IFNA8: variants seen among roughly 807,000 people sequenced by gnomAD.
The protein encoded by IFNA8 is interferon alpha 8.
For synonymous variants in IFNA8, 91 were observed against 84.4 expected, an observed-to-expected ratio of 1.08 and a Z score of -0.43; for missense variants, 246 against 212.3, an observed-to-expected ratio of 1.16 and a Z score of -0.99.
Position 21,409,567 on chromosome 9 carries a change from G to C in IFNA8, c.391G>C (p.Glu131Gln). ...TGTGATGCAGGAAGTGGGGGTGATA[G>C]AGTCTCCCCTGATGTACGAGGACTC... ...SCVMQEVGVI[E>Q]SPLMYEDSIL... The change falls in exon 1 of 1, where the codon GAG (glutamate) becomes CAG (glutamine). Residue 131 changes from glutamate (E) to glutamine (Q), a missense_variant. Coordinates refer to ENST00000380205, the MANE Select transcript of IFNA8 (RefSeq NM_002170.4). 1 of 1,613,972 alleles carries C rather than the reference G, an allele frequency of 6.2e-7. No individual in the cohort carries two copies. Among genetic ancestry groups the C allele is most frequent in the Non-Finnish European group, 8.5e-7 (1 of 1,179,864 alleles).
chr9:21,409,498 T>C lies in IFNA8; in HGVS notation c.322T>C (p.Phe108Leu). Residue 108 changes from phenylalanine to leucine, a missense_variant, in exon 1 of 1, where the codon TTC becomes CTC. Physicochemically the swap from Phe to Leu is conservative, Grantham distance 22. Transcript: ENST00000380205. ...TTTGGATGAGACCCTTCTAGATGAATTCTACATCGAACTTGACCAGCAGCT... is the reference window on the plus strand; with the variant it reads ...TTTGGATGAGACCCTTCTAGATGAACTCTACATCGAACTTGACCAGCAGCT... ...AALDETLLDE[F>L]YIELDQQLND... is the part of the protein sequence containing the mutation. The C allele has an allele frequency of 6.2e-7, 1 of 1,614,054 alleles. No homozygotes were observed. The highest frequency in any genetic ancestry group is 8.5e-7 in the Non-Finnish European group (1 of 1,179,962).
chr9:21,409,970 A>C lies in IFNA8; in HGVS notation c.*224A>C. 1 of 405,508 alleles carries C rather than the reference A, an allele frequency of 2.5e-6. No homozygotes were observed. The highest frequency in any genetic ancestry group is 4.7e-6 in the Non-Finnish European group (1 of 214,930). The allele number at this position is 405,508 out of a possible 1,614,324, so 25.1% of individuals were successfully genotyped here. ...ATGGATCTATTCATCTATTTATTTA[A>C]ATCTTTATTTAGTTAACTATCTATA... On this transcript the variant is annotated 3_prime_UTR_variant, in exon 1 of 1. Transcript: ENST00000380205.
In IFNA8 at chr9:21,409,949, A is replaced by G. The variant is rs565695456; in HGVS notation, c.*203A>G. 22 of 465,298 alleles carry G rather than the reference A, an allele frequency of 4.7e-5. No individual in the cohort carries two copies. The East Asian group carries it at 8.4e-4, about 18-fold the overall frequency. The allele number at this position is 465,298 out of a possible 1,614,324, so 28.8% of individuals were successfully genotyped here. On this transcript the variant is annotated 3_prime_UTR_variant, in exon 1 of 1. Coordinates refer to ENST00000380205, the MANE Select transcript of IFNA8 (RefSeq NM_002170.4). The stretch of plus-strand genomic sequence containing the variant: ...CCCTTACAGATGACCATGCTGATGG[A>G]TCTATTCATCTATTTATTTAAATCT...
Position 21,409,218 on chromosome 9 carries a change from C to A in IFNA8, c.42C>A (p.Leu14=). 2 of 1,613,992 alleles carry A rather than the reference C, an allele frequency of 1.2e-6. No individual in the cohort carries two copies. Among genetic ancestry groups the A allele is most frequent in the Non-Finnish European group, 1.7e-6 (2 of 1,179,924 alleles). The part of the protein sequence containing the change: ...TFYLLVALVV[L]SYKSFSSLGC... ...ATTTACTGGTGGCCCTAGTGGTGCT[C>A]AGCTACAAGTCATTCAGCTCTCTGG... The change falls in exon 1 of 1, where the codon CTC becomes CTA. Residue 14 remains leucine, a synonymous_variant. Transcript: ENST00000380205.
chr9:21,409,588 G>A lies in IFNA8; in HGVS notation c.412G>A (p.Asp138Asn). 2 of 1,613,984 alleles carry A rather than the reference G, an allele frequency of 1.2e-6. No homozygotes were observed. Among genetic ancestry groups the A allele is most frequent in the Non-Finnish European group, 1.7e-6 (2 of 1,179,936 alleles). The change falls in exon 1 of 1, where the codon GAC becomes AAC. Residue 138 changes from aspartate to asparagine, a missense_variant. Asp to Asn is a conservative substitution (Grantham distance 23). Coordinates refer to ENST00000380205, the MANE Select transcript of IFNA8 (RefSeq NM_002170.4). ...GATAGAGTCTCCCCTGATGTACGAG[G>A]ACTCCATCCTGGCTGTGAGGAAATA... is the stretch of plus-strand genomic sequence containing the variant. ...GVIESPLMYE[D>N]SILAVRKYFQ...
Position 21,409,377 on chromosome 9 carries a change from T to A in IFNA8, c.201T>A (p.Asp67Glu). ...TTGAATTCCCCCAGGAGGAGTTTGA[T>A]GATAAACAGTTCCAGAAGGCTCAAG... ...HDFEFPQEEF[D>E]DKQFQKAQAI... is the part of the protein sequence containing the mutation. The change falls in exon 1 of 1, where the codon GAT becomes GAA. Residue 67 changes from aspartate to glutamate, a missense_variant. By Grantham distance (45) the Asp-to-Glu change is conservative. Transcript: ENST00000380205. 6.2e-7 allele frequency: 1 copy of A among 1,614,088 alleles called. No individual in the cohort carries two copies. Among genetic ancestry groups the A allele is most frequent in the Non-Finnish European group, 8.5e-7 (1 of 1,179,986 alleles).
In IFNA8 at chr9:21,409,292, T is replaced by C; in HGVS notation, c.116T>C (p.Ile39Thr). The change falls in exon 1 of 1, where the codon ATA becomes ACA. Residue 39 changes from isoleucine (I) to threonine (T), a missense_variant. Transcript: ENST00000380205. The stretch of plus-strand genomic sequence containing the variant: ...AGCCTGGGTAACAGGAGGGCCTTGA[T>C]ACTCCTGGCACAAATGCGAAGAATC... ...THSLGNRRALILLAQMRRISP... is the reference protein window; with the variant it reads ...THSLGNRRALTLLAQMRRISP... 6.2e-7 allele frequency: 1 copy of C among 1,614,054 alleles called. No homozygotes were observed. Among genetic ancestry groups the C allele is most frequent in the Non-Finnish European group, 8.5e-7 (1 of 1,179,936 alleles).
Position 21,409,423 on chromosome 9 carries a change from A to G in IFNA8, c.247A>G (p.Met83Val), listed in dbSNP as rs1211255207. ...TCAAGCCATCTCTGTCCTCCATGAGATGATCCAGCAGACCTTCAACCTCTT... is the reference window on the plus strand; with the variant it reads ...TCAAGCCATCTCTGTCCTCCATGAGGTGATCCAGCAGACCTTCAACCTCTT... ...KAQAISVLHE[M>V]IQQTFNLFST... The change falls in exon 1 of 1, where the codon ATG (methionine) becomes GTG (valine). Residue 83 changes from methionine (M) to valine (V), a missense_variant. By Grantham distance (21) the Met-to-Val change is conservative. Transcript: ENST00000380205. 2 of 1,613,984 alleles carry G rather than the reference A, an allele frequency of 1.2e-6. No individual in the cohort carries two copies. The highest frequency in any genetic ancestry group is 2.7e-5 in the African/African-American group (2 of 74,890).
chr9:21,409,153 T>C lies in IFNA8; in HGVS notation c.-24T>C. ...TTAAGGGTCATCCATCTGAACCAGCTCAGCAGCATCCACAACATCTACAAT... is the reference window on the plus strand; with the variant it reads ...TTAAGGGTCATCCATCTGAACCAGCCCAGCAGCATCCACAACATCTACAAT... On this transcript the variant is annotated 5_prime_UTR_variant, in exon 1 of 1. Coordinates refer to ENST00000380205, the MANE Select transcript of IFNA8 (RefSeq NM_002170.4). The C allele has an allele frequency of 6.2e-7, 1 of 1,607,538 alleles. No homozygotes were observed. Among genetic ancestry groups the C allele is most frequent in the Non-Finnish European group, 8.5e-7 (1 of 1,174,464 alleles).
chr9:21,409,636 C>G lies in IFNA8; in HGVS notation c.460C>G (p.Leu154Val), dbSNP rs1818017996. ...ATACTTCCAAAGAATCACTCTATATCTGACAGAGAAGAAATACAGCTCTTG... is the reference window on the plus strand; with the variant it reads ...ATACTTCCAAAGAATCACTCTATATGTGACAGAGAAGAAATACAGCTCTTG... ...RKYFQRITLY[L>V]TEKKYSSCAW... Residue 154 changes from leucine to valine, a missense_variant, in exon 1 of 1, where the codon CTG becomes GTG. Transcript: ENST00000380205. 6.2e-7 allele frequency: 1 copy of G among 1,613,934 alleles called. No homozygotes were observed. The highest frequency in any genetic ancestry group is 8.5e-7 in the Non-Finnish European group (1 of 1,179,820).
rs1818009090 is a variant in IFNA8 at position 21,409,145 on chromosome 9, G to T, written c.-32G>T. 6.3e-7 allele frequency: 1 copy of T among 1,593,180 alleles called. No homozygotes were observed. ...GACCCAGGTTAAGGGTCATCCATCT[G>T]AACCAGCTCAGCAGCATCCACAACA... On this transcript the variant is annotated 5_prime_UTR_variant, in exon 1 of 1. Coordinates refer to ENST00000380205, the MANE Select transcript of IFNA8 (RefSeq NM_002170.4).
At position 21,409,274 on chromosome 9, in the gene IFNA8, G is replaced by A. The variant is rs149749232; in HGVS notation, c.98G>A (p.Gly33Asp). ...GATCTGCCTCAGACTCACAGCCTGG[G>A]TAACAGGAGGGCCTTGATACTCCTG... ...GCDLPQTHSLGNRRALILLAQ... is the reference protein window; with the variant it reads ...GCDLPQTHSLDNRRALILLAQ... The change falls in exon 1 of 1, where the codon GGT becomes GAT. Residue 33 changes from glycine (G) to aspartate (D), a missense_variant. Physicochemically the swap from Gly to Asp is moderately conservative, Grantham distance 94. Coordinates refer to ENST00000380205, the MANE Select transcript of IFNA8 (RefSeq NM_002170.4). The A allele has an allele frequency of 4.3e-6, 7 of 1,613,974 alleles. No homozygotes were observed. The South Asian group carries it at 5.5e-5, about 13-fold the overall frequency.
At position 21,409,256 on chromosome 9, in the gene IFNA8, C is replaced by T. The variant is rs145350702; in HGVS notation, c.80C>T (p.Pro27Leu). Residue 27 changes from proline (P) to leucine (L), a missense_variant, in exon 1 of 1, where the codon CCT becomes CTT. Coordinates refer to ENST00000380205, the MANE Select transcript of IFNA8 (RefSeq NM_002170.4). ...KSFSSLGCDL[P>L]QTHSLGNRRA... is the part of the protein sequence containing the mutation. Reference sequence around the variant, plus strand: ...TTCAGCTCTCTGGGCTGTGATCTGCCTCAGACTCACAGCCTGGGTAACAGG... The same window carrying T: ...TTCAGCTCTCTGGGCTGTGATCTGCTTCAGACTCACAGCCTGGGTAACAGG... 122 of 1,613,884 alleles carry T rather than the reference C, an allele frequency of 7.6e-5. No individual in the cohort carries two copies. Among genetic ancestry groups the T allele is most frequent in the Middle Eastern group, 4.9e-4 (3 of 6,082 alleles).
Position 21,409,183 on chromosome 9 carries a change from T to C in IFNA8, c.7T>C (p.Leu3=). The C allele has an allele frequency of 6.2e-7, 1 of 1,613,832 alleles. No homozygotes were observed. Among genetic ancestry groups the C allele is most frequent in the South Asian group, 1.1e-5 (1 of 91,066 alleles). The part of the protein sequence containing the change: MA[L]TFYLLVALVV... ...AGCATCCACAACATCTACAATGGCC[T>C]TGACTTTTTATTTACTGGTGGCCCT... Residue 3 remains leucine, a synonymous_variant, in exon 1 of 1, where the codon TTG becomes CTG. Coordinates refer to ENST00000380205, the MANE Select transcript of IFNA8 (RefSeq NM_002170.4).
At position 21,409,909 on chromosome 9, in the gene IFNA8, T is replaced by G; in HGVS notation, c.*163T>G. ...AGTGTTAAGCAACATCCTGTTCAGC[T>G]GTATGGGCACTAGTCCCTTACAGAT... On this transcript the variant is annotated 3_prime_UTR_variant, in exon 1 of 1. Coordinates refer to ENST00000380205, the MANE Select transcript of IFNA8 (RefSeq NM_002170.4). 1 of 608,874 alleles carries G rather than the reference T, an allele frequency of 1.6e-6. No homozygotes were observed. The highest frequency in any genetic ancestry group is 3.0e-5 in the Admixed American group (1 of 33,126). 37.7% of individuals were successfully genotyped at this position (608,874 alleles called of 1,614,324 possible). A position where few individuals can be genotyped will look rare whatever the true frequency, so the allele number is the denominator to read the frequency against.
rs1294843576 is a variant in IFNA8 at position 21,409,484 on chromosome 9, C to T, written c.308C>T (p.Thr103Ile). Residue 103 changes from threonine to isoleucine, a missense_variant, in exon 1 of 1, where the codon ACC becomes ATC. Coordinates refer to ENST00000380205, the MANE Select transcript of IFNA8 (RefSeq NM_002170.4). ...GACTCATCTGCTGCTTTGGATGAGA[C>T]CCTTCTAGATGAATTCTACATCGAA... is the stretch of plus-strand genomic sequence containing the variant. ...TKDSSAALDE[T>I]LLDEFYIELD... 2 of 1,614,040 alleles carry T rather than the reference C, an allele frequency of 1.2e-6. No individual in the cohort carries two copies. The highest frequency in any genetic ancestry group is 4.5e-5 in the East Asian group (2 of 44,886).
rs550061556 is a variant in IFNA8, at chr9:21,409,802, G to A, written c.*56G>A. On this transcript the variant is annotated 3_prime_UTR_variant, in exon 1 of 1. Coordinates refer to ENST00000380205, the MANE Select transcript of IFNA8 (RefSeq NM_002170.4). ...AGACTAATACAGCAGCTCACACTTC[G>A]ACAAGTTGTGCTCTTTCAAAGACCC... 5.0e-5 allele frequency: 73 copies of A among 1,469,828 alleles called. 1 individual carries two copies. The highest frequency in any genetic ancestry group is 4.5e-4 in the Admixed American group (25 of 55,272). 91.0% of individuals were successfully genotyped at this position (1,469,828 alleles called of 1,614,324 possible).
chr9:21,409,418 A>G lies in IFNA8; in HGVS notation c.242A>G (p.His81Arg). ...AAGGCTCAAGCCATCTCTGTCCTCC[A>G]TGAGATGATCCAGCAGACCTTCAAC... ...FQKAQAISVL[H>R]EMIQQTFNLF... The change falls in exon 1 of 1, where the codon CAT becomes CGT. Residue 81 changes from histidine to arginine, a missense_variant. By Grantham distance (29) the His-to-Arg change is conservative (BLOSUM62 0). Transcript: ENST00000380205. The G allele has an allele frequency of 6.2e-7, 1 of 1,614,114 alleles. No homozygotes were observed. The highest frequency in any genetic ancestry group is 8.5e-7 in the Non-Finnish European group (1 of 1,179,976).
At position 21,409,451 on chromosome 9, in the gene IFNA8, G is replaced by T. The variant is rs374095498; in HGVS notation, c.275G>T (p.Ser92Ile). ...EMIQQTFNLF[S>I]TKDSSAALDE... ...ATCCAGCAGACCTTCAACCTCTTCA[G>T]CACAAAGGACTCATCTGCTGCTTTG... Residue 92 changes from serine to isoleucine, a missense_variant, in exon 1 of 1, where the codon AGC (serine) becomes ATC (isoleucine). By Grantham distance (142) the Ser-to-Ile change is moderately radical. Coordinates refer to ENST00000380205, the MANE Select transcript of IFNA8 (RefSeq NM_002170.4). 20 of 1,613,914 alleles carry T rather than the reference G, an allele frequency of 1.2e-5. No individual in the cohort carries two copies. The highest frequency in any genetic ancestry group is 1.7e-5 in the Admixed American group (1 of 59,994).
Sources: allele counts gnomAD v4.1 joint callset, GRCh38; gene constraint gnomAD v4.1.1; transcripts MANE v1.5; gene names NCBI Gene and HGNC (gene_info 2026-07-23, HGNC 2026-07-21).